FERMT1: variants seen among roughly 807,000 people sequenced by gnomAD.
FERMT1 encodes FERM domain containing kindlin 1.
A neutral mutation model predicts 85.3 loss-of-function variants in FERMT1; 60 were observed. The ratio of observed to expected loss-of-function variants is 0.70; its 90% CI spans 0.57 to 0.87. The LOEUF is 0.87. FERMT1 is among the 40% of genes least tolerant of loss of function. The probability of loss-of-function intolerance (pLI) is 0.00; values close to 1 mark genes in which losing one functional copy is unlikely to be tolerated. For missense variants in FERMT1, 701 were observed against 818.9 expected (o/e 0.86, Z 1.76); for synonymous variants, 275 against 301.1 (o/e 0.91, Z 0.90).
At chr20:6,107,960 G>A (rs1982844090) in intron 5 of FERMT1, among the ~76,000 whole-genome samples, 1 of 152,162 alleles carries the variant, frequency 6.6e-6, no homozygotes, top group Non-Finnish European at 1.5e-5. Flanking sequence ...CTGCCTCCCA[G>A]GTTCAAGCGA....
chr20:6,079,093 C>T (rs1233789143), intron 14 of FERMT1, among the ~76,000 whole-genome samples: 1 of 152,122 alleles, frequency 6.6e-6, no homozygotes, highest in Non-Finnish European at 1.5e-5. Context: ...GTTACATCTC[C>T]AGTAGTTTCT....
At chr20:6,099,471 T>C (rs1195662398) in intron 6 of FERMT1, among the ~76,000 whole-genome samples, 3 of 151,114 alleles carry the variant, frequency 2.0e-5, no homozygotes, top group African/African-American at 4.9e-5. Flanking sequence ...GAAGATGCTA[T>C]GCTAAGTGAA....
rs534444380 is a variant in FERMT1, at chr20:6,099,985, G to GAAA, written c.850-2357_850-2355dup. On this transcript the variant is annotated intron_variant, in intron 6 of 14. Coordinates refer to ENST00000217289, the MANE Select transcript of FERMT1 (RefSeq NM_017671.5). ...TGGGTGACAGAGAGAGACTATCTCA[G>GAAA]AAAAAAAAAAAAGAGAGAGAAAATG... Among the ~76,000 whole-genome samples, 365 of 137,976 alleles carry GAAA rather than the reference G, an allele frequency of 2.6e-3. 1 individual carries two copies. Among genetic ancestry groups the GAAA allele is most frequent in the African/African-American group, 9.1e-3 (344 of 37,832 alleles). The allele number at this position is 137,976 out of a possible 152,430, so 90.5% of individuals were successfully genotyped here.
At chr20:6,077,815 G>A (rs1981872612) in intron 14 of FERMT1, among the ~76,000 whole-genome samples, 1 of 152,000 alleles carries the variant, frequency 6.6e-6, no homozygotes, top group Non-Finnish European at 1.5e-5. Context: ...CAAGTAGTTG[G>A]GATTACAGGT....
intron 11 of FERMT1, among the ~76,000 whole-genome samples, chr20:6,085,906 C>T (rs981952748): frequency 2.0e-5 from 3 of 150,756 alleles, no homozygotes; most frequent in South Asian, 2.1e-4. Flanking sequence ...TTTGGGAGGC[C>T]GAGGCGGGTG....
intron 8 of FERMT1, among the ~76,000 whole-genome samples, chr20:6,095,703 G>T (rs543062997): frequency 1.3e-5 from 2 of 152,186 alleles, no homozygotes; most frequent in Non-Finnish European, 2.9e-5. Flanking sequence ...AGACAACAGA[G>T]AACTCCAAGT....
At chr20:6,079,628 C>T (rs769139063) in intron 13 of FERMT1, 51 bp from the exon 14 acceptor site, 2 of 1,513,380 alleles carry the variant, frequency 1.3e-6, no homozygotes, top group East Asian at 4.5e-5. Context: ...TCCTATAATA[C>T]AATGTTCACT....
At chr20:6,116,553 C>A (rs1409299255) in intron 2 of FERMT1, among the ~76,000 whole-genome samples, 2 of 151,918 alleles carry the variant, frequency 1.3e-5, no homozygotes, top group African/African-American at 2.4e-5. Context: ...CATGGCAAAA[C>A]CCTGTCTCTA....
At chr20:6,094,891 C>G (rs766385147) in intron 9 of FERMT1, 48 bp downstream of exon 9, 53 of 1,066,636 alleles carry the variant, frequency 5.0e-5, no homozygotes, top group Non-Finnish European at 6.9e-5. Context: ...TCTTTATCTT[C>G]AAGACTTTGT....
At chr20:6,089,562 T>A (rs1465435791) in intron 9 of FERMT1, among the ~76,000 whole-genome samples, 2 of 152,228 alleles carry the variant, frequency 1.3e-5, no homozygotes, top group African/African-American at 2.4e-5. Flanking sequence ...TTGAAAAAGC[T>A]GTCGATATGG....
intron 2 of FERMT1, among the ~76,000 whole-genome samples, chr20:6,116,634 C>T (rs938443880): frequency 6.0e-5 from 9 of 150,736 alleles, no homozygotes; most frequent in African/African-American, 2.2e-4. Context: ...GAGGCTGAGG[C>T]AGGAGAATCA....
chr20:6,104,587 T>G lies in FERMT1; in HGVS notation c.849+2945A>C, dbSNP rs564017444. On this transcript the variant is annotated intron_variant, in intron 6 of 14. Transcript: ENST00000217289. This position sits in a 1 kb window ranked among gnomAD's most constrained non-coding sequence, Gnocchi z 4.2. ...TGTCCCATTATCCTGAGTCTTCCTG[T>G]CACCTTTGGGTTGACAGTTTCTGTG... Among the ~76,000 whole-genome samples, 1 of 152,220 alleles carries G rather than the reference T, an allele frequency of 6.6e-6. No homozygotes were observed. Among genetic ancestry groups the G allele is most frequent in the Non-Finnish European group, 1.5e-5 (1 of 68,042 alleles).
At chr20:6,086,248 T>A (rs555904115) in intron 11 of FERMT1, among the ~76,000 whole-genome samples, 1 of 152,106 alleles carries the variant, frequency 6.6e-6, no homozygotes, top group East Asian at 1.9e-4. Flanking sequence ...TGTTTTCATA[T>A]CACATCTGGT....
Position 6,097,015 on chromosome 20 carries a change from A to G in FERMT1, c.976T>C (p.Ser326Pro). The change falls in exon 8 of 15, where the codon TCG becomes CCG. Residue 326 changes from serine to proline, a missense_variant. Transcript: ENST00000217289. ...AALQYHISKLSLSAETQDFAG... is the reference protein window; with the variant it reads ...AALQYHISKLPLSAETQDFAG... ...AAATCCTGTGTTTCAGCAGACAACG[A>G]CAGTTTGCTAATGTGGTACTAAAAT... is the stretch of plus-strand genomic sequence containing the variant. 6.2e-7 allele frequency: 1 copy of G among 1,613,974 alleles called. No individual in the cohort carries two copies. Among genetic ancestry groups the G allele is most frequent in the Non-Finnish European group, 8.5e-7 (1 of 1,179,888 alleles).
chr20:6,117,298 T>A (rs976406954), intron 2 of FERMT1, among the ~76,000 whole-genome samples: 7 of 152,170 alleles, frequency 4.6e-5, no homozygotes, highest in African/African-American at 1.7e-4. Context: ...AGACAGAGTC[T>A]CACTCTGTTG....
intron 6 of FERMT1, among the ~76,000 whole-genome samples, chr20:6,105,361 T>C (rs1174193078): frequency 1.3e-5 from 2 of 152,192 alleles, no homozygotes; most frequent in Admixed American, 6.5e-5. Context: ...CACAAGCTTG[T>C]ATGAGGAAAC....
chr20:6,091,117 C>A (rs896890121), intron 9 of FERMT1, among the ~76,000 whole-genome samples: 2 of 151,906 alleles, frequency 1.3e-5, no homozygotes, highest in African/African-American at 4.8e-5. Flanking sequence ...GAGCCGAGAT[C>A]ACGCCACCGC....
intron 13 of FERMT1, among the ~76,000 whole-genome samples, chr20:6,083,074 G>A (rs1041977182): frequency 5.3e-5 from 8 of 152,168 alleles, no homozygotes; most frequent in African/African-American, 1.9e-4. Flanking sequence ...ATCCCACCCC[G>A]AAATTATAAG....
chr20:6,075,404 C>T lies in FERMT1; in HGVS notation c.*1769G>A, dbSNP rs1188680562. On this transcript the variant is annotated 3_prime_UTR_variant, in exon 15 of 15. Coordinates refer to ENST00000217289, the MANE Select transcript of FERMT1 (RefSeq NM_017671.5). ...TGACCAACATCAAGTATATACGGTA[C>T]ACTTAGCACTTGTTTCTATAGAAAA... is the stretch of plus-strand genomic sequence containing the variant. 6 of 152,112 alleles carry T rather than the reference C, an allele frequency of 3.9e-5. No individual in the cohort carries two copies. Among genetic ancestry groups the T allele is most frequent in the African/African-American group, 7.3e-5 (3 of 41,372 alleles). 9.4% of individuals were successfully genotyped at this position (152,112 alleles called of 1,614,324 possible).
Sources: allele counts gnomAD v4.1 joint callset (sites outside exome capture counted in the v4.1 genomes callset), GRCh38; gene constraint gnomAD v4.1.1; non-coding constraint Gnocchi (gnomAD v3.1); transcripts MANE v1.5; gene names NCBI Gene and HGNC (gene_info 2026-07-23, HGNC 2026-07-21).